The following TRHDE variants were observed in gnomAD, a reference collection of about 807,000 sequenced individuals.
TRHDE encodes the protein thyrotropin releasing hormone degrading enzyme.
In TRHDE, 72 loss-of-function variants were observed where a neutral mutation model predicts 125.7. The observed-to-expected ratio is 0.57, with a 90% CI of 0.47 to 0.70. The LOEUF (loss-of-function observed/expected upper bound fraction) is 0.70, where lower values mean the gene tolerates loss of function less well. Ranked by LOEUF, TRHDE falls within the 30% of genes least tolerant of loss-of-function variation. The probability of loss-of-function intolerance (pLI) is 0.00; values close to 1 mark genes in which losing one functional copy is unlikely to be tolerated. For synonymous variants in TRHDE, 509 were observed against 509.1 expected (o/e 1.00, Z 0.00); for missense variants, 1,110 against 1,327.1 (o/e 0.84, Z 2.54).
chr12:72,395,668 C>T lies in TRHDE; in HGVS notation c.1315+17547C>T, dbSNP rs118037335. Among the ~76,000 whole-genome samples the T allele has an allele frequency of 2.2e-3, 339 of 152,210 alleles. 1 individual carries two copies. Among genetic ancestry groups the T allele is most frequent in the Non-Finnish European group, 3.7e-3 (251 of 68,020 alleles). ...ACTCTTTTGTGCCTATCACTCTCACCTGAAAACATCTACCCTTGTTAAATC... is the reference window on the plus strand; with the variant it reads ...ACTCTTTTGTGCCTATCACTCTCACTTGAAAACATCTACCCTTGTTAAATC... On this transcript the variant is annotated intron_variant, in intron 3 of 18. Coordinates refer to ENST00000261180, the MANE Select transcript of TRHDE (RefSeq NM_013381.3).
intron 3 of TRHDE, among the ~76,000 whole-genome samples, chr12:72,427,716 A>G (rs947815112): frequency 6.6e-6 from 1 of 152,140 alleles, no homozygotes. Context: ...ACATACTACC[A>G]ATAGAGCTCT....
intron 10 of TRHDE, among the ~76,000 whole-genome samples, chr12:72,572,037 A>C (rs1399787774): frequency 7.2e-6 from 1 of 139,548 alleles, no homozygotes; most frequent in Non-Finnish European, 1.6e-5. Context: ...GCTATGGTAG[A>C]TTGCTTTACG....
chr12:72,182,995 G>A (rs181326410), intron 2 of TRHDE, among the ~76,000 whole-genome samples: 1 of 152,236 alleles, frequency 6.6e-6, no homozygotes, highest in East Asian at 1.9e-4. Flanking sequence ...GCAGAGGAGG[G>A]GAGATATCAA....
chr12:72,430,525 C>T (rs1311319830), intron 3 of TRHDE, among the ~76,000 whole-genome samples: 1 of 149,974 alleles, frequency 6.7e-6, no homozygotes, highest in Non-Finnish European at 1.5e-5. Context: ...TTTGAAAAAA[C>T]TAATTCCACA....
intron 1 of TRHDE, among the ~76,000 whole-genome samples, chr12:72,101,918 C>T (rs932751039): frequency 6.6e-6 from 1 of 152,124 alleles, no homozygotes; most frequent in African/African-American, 2.4e-5. Flanking sequence ...CTTTCTAAAT[C>T]CAAAACATAA....
chr12:72,395,926 T>G (rs1872769090), intron 3 of TRHDE, among the ~76,000 whole-genome samples: 1 of 152,224 alleles, frequency 6.6e-6, no homozygotes, highest in Non-Finnish European at 1.5e-5. Flanking sequence ...TATTTCATTT[T>G]TTTTTTGTTT....
rs74840120 is a variant in TRHDE at position 72,563,184 on chromosome 12, G to T, written c.2042+144G>T. ...TTTCTTTATTTACACAAGTTACTTT[G>T]ATTCTCCTTTTACTCCCATTTCCTG... On this transcript the variant is annotated intron_variant, in intron 9 of 18. Coordinates refer to ENST00000261180, the MANE Select transcript of TRHDE (RefSeq NM_013381.3). 859 of 605,950 alleles carry T rather than the reference G, an allele frequency of 1.4e-3. 14 individuals are homozygous for T. The East Asian group carries it at 0.025, about 18-fold the overall frequency. The allele number at this position is 605,950 out of a possible 1,614,324, so 37.5% of individuals were successfully genotyped here. A position where few individuals can be genotyped will look rare whatever the true frequency, so the allele number is the denominator to read the frequency against.
chr12:72,261,683 T>G (rs1878953868), intron 2 of TRHDE, among the ~76,000 whole-genome samples: 1 of 152,166 alleles, frequency 6.6e-6, no homozygotes, highest in African/African-American at 2.4e-5. Flanking sequence ...GAAAAGCAAG[T>G]AAATCATCCT....
At chr12:72,341,849 A>G (rs928396923) in intron 2 of TRHDE, among the ~76,000 whole-genome samples, 4 of 152,164 alleles carry the variant, frequency 2.6e-5, no homozygotes, top group African/African-American at 9.6e-5. Flanking sequence ...ACAGTTCTAA[A>G]AGTCTTCTAA....
At position 72,189,598 on chromosome 12, in the gene TRHDE, G is replaced by A. The variant is rs530489202; in HGVS notation, n.279+83846G>A. Among the ~76,000 whole-genome samples, 3 of 152,312 alleles carry A rather than the reference G, an allele frequency of 2.0e-5. No homozygotes were observed. The East Asian group carries it at 5.8e-4, about 29-fold the overall frequency. ...GAAGAAAAATTTAAAGAAAAATGTA[G>A]GGGCTAGTTACCTTGGTGAAATTTC... On this transcript the variant is annotated intron_variant and non_coding_transcript_variant, in intron 2 of 4. Coordinates refer to the TRHDE transcript ENST00000548156.
intron 2 of TRHDE, among the ~76,000 whole-genome samples, chr12:72,299,926 G>C (rs1484324517): frequency 1.3e-5 from 2 of 152,170 alleles, no homozygotes; most frequent in African/African-American, 4.8e-5. Flanking sequence ...TGATTGAGAA[G>C]TATTGGGTCT....
chr12:72,266,347 T>C (rs1879069004), intron 2 of TRHDE, among the ~76,000 whole-genome samples: 1 of 151,932 alleles, frequency 6.6e-6, no homozygotes. Context: ...GTTAAATATA[T>C]ATTTTTGGAT....
At chr12:72,342,068 C>T (rs1425777217) in intron 2 of TRHDE, among the ~76,000 whole-genome samples, 1 of 151,948 alleles carries the variant, frequency 6.6e-6, no homozygotes, top group Non-Finnish European at 1.5e-5. Context: ...TAAAAACTCC[C>T]AAATTTCTGT....
intron 3 of TRHDE, among the ~76,000 whole-genome samples, chr12:72,463,989 T>G (rs945603070): frequency 2.0e-5 from 3 of 152,174 alleles, no homozygotes; most frequent in Non-Finnish European, 4.4e-5. Flanking sequence ...ATGGGCCATT[T>G]TATTTTATGA....
At chr12:72,351,073 A>C (rs944385278) in intron 2 of TRHDE, among the ~76,000 whole-genome samples, 2 of 151,996 alleles carry the variant, frequency 1.3e-5, no homozygotes, top group Non-Finnish European at 2.9e-5. Context: ...GAGCTGGAGA[A>C]AAGGGTTAGA....
chr12:72,139,176 T>C (rs1876056841), intron 2 of TRHDE, among the ~76,000 whole-genome samples: 1 of 152,182 alleles, frequency 6.6e-6, no homozygotes, highest in Non-Finnish European at 1.5e-5. Flanking sequence ...TTACTATAAC[T>C]AGCAGAATTG....
intron 2 of TRHDE, among the ~76,000 whole-genome samples, chr12:72,158,930 A>G (rs954546209): frequency 1.2e-4 from 19 of 152,178 alleles, no homozygotes; most frequent in African/African-American, 4.6e-4. Context: ...ATTCTTACAA[A>G]TGGCCAATCA....
chr12:72,583,424 C>T (rs529652903), intron 12 of TRHDE, among the ~76,000 whole-genome samples: 7 of 152,176 alleles, frequency 4.6e-5, no homozygotes, highest in African/African-American at 1.7e-4. Flanking sequence ...GTTGGGGATT[C>T]TAATTATCTA....
At chr12:72,249,685 G>A (rs1322456085) in intron 2 of TRHDE, among the ~76,000 whole-genome samples, 1 of 152,148 alleles carries the variant, frequency 6.6e-6, no homozygotes, top group Non-Finnish European at 1.5e-5. Flanking sequence ...TAACTCTCAT[G>A]TGTTGTTGAT....
Sources: allele counts gnomAD v4.1 joint callset (sites outside exome capture counted in the v4.1 genomes callset), GRCh38; gene constraint gnomAD v4.1.1; transcripts MANE v1.5; gene names NCBI Gene and HGNC (gene_info 2026-07-23, HGNC 2026-07-21).